Variants in FMNL2 observed in about 807,000 individuals in gnomAD.
FMNL2 encodes formin-like protein 2.
Under a neutral mutation model 130.2 loss-of-function variants are expected in FMNL2, and 51 were observed. The observed-to-expected ratio is 0.39, with a 90% CI of 0.31 to 0.49. The LOEUF (loss-of-function observed/expected upper bound fraction) is 0.49. FMNL2 is among the 20% of genes least tolerant of loss of function. The pLI, the probability that FMNL2 is intolerant of heterozygous loss-of-function variation, is 0.85. For synonymous variants in FMNL2, 465 were observed against 467.1 expected, an observed-to-expected ratio of 1.00 and a Z score of 0.06; for missense variants, 977 against 1,316.2, an observed-to-expected ratio of 0.74 and a Z score of 3.99.
intron 25 of FMNL2, among the ~76,000 whole-genome samples, chr2:152,642,139 A>C (rs916968257): frequency 6.6e-6 from 1 of 151,982 alleles, no homozygotes; most frequent in Non-Finnish European, 1.5e-5. Flanking sequence ...ATGGGGTTTC[A>C]CCGTGTTAGC....
At position 152,648,092 on chromosome 2, in the gene FMNL2, A is replaced by G. The variant is rs60853545; in HGVS notation, c.*187A>G. ...AACCCTTGTTAACAAGTGCCTAAAA[A>G]TGGAAGTACCTGTTCAGATTAATCA... is the stretch of plus-strand genomic sequence containing the variant. On this transcript the variant is annotated 3_prime_UTR_variant, in exon 26 of 26. Transcript: ENST00000288670. 3.0e-3 allele frequency: 1,733 copies of G among 572,474 alleles called. 25 individuals carry two copies. Among genetic ancestry groups the G allele is most frequent in the African/African-American group, 0.03 (1,578 of 52,288 alleles). 35.5% of individuals were successfully genotyped at this position (572,474 alleles called of 1,614,324 possible).
intron 6 of FMNL2, among the ~76,000 whole-genome samples, chr2:152,568,089 A>C (rs1433401304): frequency 1.3e-5 from 2 of 152,362 alleles, no homozygotes; most frequent in Middle Eastern, 3.4e-3. Flanking sequence ...AAAGACAGAC[A>C]TATACACAAC....
chr2:152,433,992 T>C lies in FMNL2; in HGVS notation c.118-87951T>C, dbSNP rs138784924. ...TGATAGAGGAAACTGGTACTATTAA[T>C]GTCATGCAAGGAGAAAGCCCATTTT... On this transcript the variant is annotated intron_variant, in intron 1 of 25. Transcript: ENST00000288670. 2.1e-3 allele frequency among the ~76,000 whole-genome samples: 320 copies of C among 152,272 alleles called. 2 individuals carry two copies. The highest frequency in any genetic ancestry group is 7.5e-3 in the African/African-American group (311 of 41,538).
chr2:152,644,620 A>G (rs1041889091), intron 25 of FMNL2, among the ~76,000 whole-genome samples: 1 of 152,198 alleles, frequency 6.6e-6, no homozygotes, highest in East Asian at 1.9e-4. Context: ...TGTTGGAGCA[A>G]AGCTGTGAGG....
chr2:152,480,693 A>C (rs150368468), intron 1 of FMNL2, among the ~76,000 whole-genome samples: 95 of 151,936 alleles, frequency 6.3e-4, no homozygotes, highest in African/African-American at 2.0e-3. Flanking sequence ...AACAAACAAA[A>C]CAAAAAAAAC....
At chr2:152,435,193 A>G (rs1286483849) in intron 1 of FMNL2, among the ~76,000 whole-genome samples, 4 of 152,142 alleles carry the variant, frequency 2.6e-5, no homozygotes, top group African/African-American at 9.7e-5. Context: ...TGTTTAAGGG[A>G]AAATGAGGCC....
At chr2:152,619,802 C>T in intron 15 of FMNL2, 84 bp downstream of exon 15, 4 of 1,532,192 alleles carry the variant, frequency 2.6e-6, no homozygotes, top group Non-Finnish European at 2.6e-6. Flanking sequence ...TTTCAAAGTC[C>T]AGGTCTCTTG....
At chr2:152,353,709 C>T (rs184689827) in intron 1 of FMNL2, among the ~76,000 whole-genome samples, 1 of 152,290 alleles carries the variant, frequency 6.6e-6, no homozygotes, top group East Asian at 1.9e-4. Flanking sequence ...TTAGTACAGT[C>T]AAGTTGTGGC....
chr2:152,531,629 C>T (rs1045149320), intron 2 of FMNL2, among the ~76,000 whole-genome samples: 28 of 152,056 alleles, frequency 1.8e-4, no homozygotes, highest in African/African-American at 6.8e-4. Context: ...CCGCCTGACA[C>T]CACGCCCAGC....
At chr2:152,461,309 A>G (rs770978344) in intron 1 of FMNL2, among the ~76,000 whole-genome samples, 18 of 152,184 alleles carry the variant, frequency 1.2e-4, no homozygotes, top group Non-Finnish European at 2.5e-4. Flanking sequence ...ATATTAAAAT[A>G]TCATTCCAAC....
intron 1 of FMNL2, among the ~76,000 whole-genome samples, chr2:152,440,765 T>C (rs569347013): frequency 6.6e-6 from 1 of 152,362 alleles, no homozygotes; most frequent in Non-Finnish European, 1.5e-5. Context: ...AATTTCATTC[T>C]TTTTCTTTGA....
intron 1 of FMNL2, among the ~76,000 whole-genome samples, chr2:152,504,672 G>A (rs1692055755): frequency 6.6e-6 from 1 of 152,138 alleles, no homozygotes; most frequent in Non-Finnish European, 1.5e-5. Context: ...CTGAATGTAA[G>A]CTTCTATCTC....
intron 2 of FMNL2, 142 bp from the exon 3 acceptor site, chr2:152,542,597 C>T (rs1426412013): frequency 2.8e-6 from 2 of 719,250 alleles, no homozygotes; most frequent in Non-Finnish European, 4.8e-6. Flanking sequence ...AGATGCAAAA[C>T]AGTTAGTACA....
chr2:152,346,792 G>T (rs1315323963), intron 1 of FMNL2, among the ~76,000 whole-genome samples: 1 of 151,890 alleles, frequency 6.6e-6, no homozygotes, highest in Non-Finnish European at 1.5e-5. Context: ...TCTTTTCATG[G>T]CCAGGCACGG....
At chr2:152,461,190 C>T (rs544991630) in intron 1 of FMNL2, among the ~76,000 whole-genome samples, 1 of 152,100 alleles carries the variant, frequency 6.6e-6, no homozygotes, top group Non-Finnish European at 1.5e-5. Flanking sequence ...TCCCAGTAGC[C>T]ACGTTAGGAG....
In FMNL2 at chr2:152,336,088, T is replaced by TA. The variant is rs1553861612; in HGVS notation, c.117+376dup. The stretch of plus-strand genomic sequence containing the variant: ...TGGCGAGCCGCTTAGGCTTTTTTTT[T>TA]AAAAAAAACAAAACAAAACAAAACA... On this transcript the variant is annotated intron_variant, in intron 1 of 25. Transcript: ENST00000288670. Among the ~76,000 whole-genome samples the TA allele has an allele frequency of 4.8e-4, 32 of 67,326 alleles. No homozygotes were observed. The East Asian group carries it at 9.5e-3, about 20-fold the overall frequency. The allele number at this position is 67,326 out of a possible 152,430, so 44.2% of individuals were successfully genotyped here.
rs533255042 is a variant in FMNL2, at chr2:152,411,306, T to G, written c.117+75586T>G. 3.3e-3 allele frequency among the ~76,000 whole-genome samples: 506 copies of G among 151,726 alleles called. 6 individuals carry two copies. Among genetic ancestry groups the G allele is most frequent in the Non-Finnish European group, 5.0e-3 (339 of 67,924 alleles). On this transcript the variant is annotated intron_variant, in intron 1 of 25. Coordinates refer to ENST00000288670, the MANE Select transcript of FMNL2 (RefSeq NM_052905.4). ...GCATAATTGGTTGTGTATTTGGGGG[T>G]GTGTGTGTCAGTGAAGTGGTGTGTA...
intron 1 of FMNL2, among the ~76,000 whole-genome samples, chr2:152,415,619 T>C (rs1346205091): frequency 6.7e-6 from 1 of 149,310 alleles, no homozygotes; most frequent in Non-Finnish European, 1.5e-5. Context: ...AATACTAATA[T>C]TGAGTTCAAG....
intron 1 of FMNL2, among the ~76,000 whole-genome samples, chr2:152,406,484 C>T (rs1685990657): frequency 6.6e-6 from 1 of 152,182 alleles, no homozygotes; most frequent in South Asian, 2.1e-4. Flanking sequence ...TTTTGAGTGA[C>T]TTAAATGATG....
Sources: gnomAD v4.1 joint callset for allele counts (sites outside exome capture counted in the v4.1 genomes callset) on GRCh38, gnomAD v4.1.1 for gene constraint, MANE v1.5 for transcripts, NCBI Gene and HGNC (gene_info 2026-07-23, HGNC 2026-07-21) for gene names.